The following STX6 variants were observed in gnomAD, a reference collection of about 807,000 sequenced individuals.
STX6 encodes the protein syntaxin-6.
A neutral mutation model predicts 38.0 loss-of-function variants in STX6; 23 were observed. That is an observed-to-expected ratio of 0.60 (90% CI 0.43 to 0.86). STX6 has a LOEUF of 0.86. STX6 is among the 40% of genes least tolerant of loss of function. STX6 has a pLI of 0.00. For synonymous variants in STX6, 123 were observed against 107.5 expected (o/e 1.14, Z -0.89); for missense variants, 274 against 312.9 (o/e 0.88, Z 0.94).
At chr1:181,001,012 A>T (rs1241661054) in intron 3 of STX6, among the ~76,000 whole-genome samples, 1 of 152,194 alleles carries the variant, frequency 6.6e-6, no homozygotes, top group Non-Finnish European at 1.5e-5. Flanking sequence ...TCCAATCCAA[A>T]CACTCACTGT....
At position 180,975,424 on chromosome 1, in the gene STX6, A is replaced by C. The variant is rs886480249; in HGVS notation, c.*1146T>G. On this transcript the variant is annotated 3_prime_UTR_variant, in exon 8 of 8. Transcript: ENST00000258301. ...ACTCAATTAAAGCATCTATCATTTAAATTTGGATTGGCTCAGTTATTTGAC... is the reference window on the plus strand; with the variant it reads ...ACTCAATTAAAGCATCTATCATTTACATTTGGATTGGCTCAGTTATTTGAC... 6.6e-6 allele frequency: 1 copy of C among 152,608 alleles called. No individual in the cohort carries two copies. Among genetic ancestry groups the C allele is most frequent in the Non-Finnish European group, 1.5e-5 (1 of 68,030 alleles). The allele number at this position is 152,608 out of a possible 1,614,324, so 9.5% of individuals were successfully genotyped here. A position where few individuals can be genotyped will look rare whatever the true frequency, so the allele number is the denominator to read the frequency against.
Position 180,997,908 on chromosome 1 carries a change from T to C in STX6, c.301-4483A>G, listed in dbSNP as rs143485530. Among the ~76,000 whole-genome samples the C allele has an allele frequency of 8.4e-4, 128 of 152,286 alleles. 1 individual carries two copies. Among genetic ancestry groups the C allele is most frequent in the Admixed American group, 1.2e-3 (18 of 15,304 alleles). On this transcript the variant is annotated intron_variant, in intron 3 of 7. Coordinates refer to ENST00000258301, the MANE Select transcript of STX6 (RefSeq NM_005819.6). ...CACTAATTATTTCTAGGGAGTGAAATTGGAGAACGAAGAGGCATTTTCTCT... is the reference window on the plus strand; with the variant it reads ...CACTAATTATTTCTAGGGAGTGAAACTGGAGAACGAAGAGGCATTTTCTCT...
Position 180,973,314 on chromosome 1 carries a change from T to C in STX6, c.*3256A>G, listed in dbSNP as rs1655170706. On this transcript the variant is annotated 3_prime_UTR_variant, in exon 8 of 8. Transcript: ENST00000258301. ...ATCATTCAATTTTTTGATCTTCAAA[T>C]GTTATGAATTCTCCAAAAAGGTAAC... The C allele has an allele frequency of 6.6e-6, 1 of 152,510 alleles. No homozygotes were observed. Among genetic ancestry groups the C allele is most frequent in the South Asian group, 2.1e-4 (1 of 4,838 alleles). 9.4% of individuals were successfully genotyped at this position (152,510 alleles called of 1,614,324 possible). A position where few individuals can be genotyped will look rare whatever the true frequency, so the allele number is the denominator to read the frequency against.
At chr1:180,991,126 A>G (rs931189101) in intron 4 of STX6, among the ~76,000 whole-genome samples, 3 of 152,198 alleles carry the variant, frequency 2.0e-5, no homozygotes, top group African/African-American at 7.2e-5. Context: ...CAACAGCCCC[A>G]TGACCTTCCT....
At chr1:181,006,756 G>C (rs75974678) in intron 1 of STX6, among the ~76,000 whole-genome samples, 1 of 151,894 alleles carries the variant, frequency 6.6e-6, no homozygotes, top group African/African-American at 2.4e-5. Context: ...AAAAGAAAGC[G>C]CTAACAAAAA....
intron 7 of STX6, among the ~76,000 whole-genome samples, chr1:180,977,745 T>G (rs920385146): frequency 6.6e-6 from 1 of 152,238 alleles, no homozygotes; most frequent in African/African-American, 2.4e-5. Context: ...CACACTATAG[T>G]TATTGAGAAT....
chr1:180,979,418 A>C (rs1167832261), intron 7 of STX6, among the ~76,000 whole-genome samples: 3 of 152,262 alleles, frequency 2.0e-5, no homozygotes, highest in Non-Finnish European at 4.4e-5. Context: ...TCTTTCACAA[A>C]GGAGCAAGTG....
chr1:181,004,106 CAAT>C (rs1656159077), intron 2 of STX6, among the ~76,000 whole-genome samples: 1 of 152,162 alleles, frequency 6.6e-6, no homozygotes, highest in African/African-American at 2.4e-5. Context: ...TGTATAATCC[CAAT>C]AATCCTATGA....
At chr1:181,004,702 T>C (rs1656176853) in intron 2 of STX6, among the ~76,000 whole-genome samples, 1 of 152,210 alleles carries the variant, frequency 6.6e-6, no homozygotes, top group Non-Finnish European at 1.5e-5. Flanking sequence ...CTAAGGAAAC[T>C]GTTTCCCGGA....
Position 180,984,756 on chromosome 1 carries a change from G to C in STX6, c.612C>G (p.Phe204Leu). The part of the protein sequence containing the change: ...LEEQAVMLED[F>L]SHELESTQSR... ...ACTGAGTGCTCTCCAATTCGTGAGAGAAATCTTCCAACATACTAGAGAGAA... is the reference window on the plus strand; with the variant it reads ...ACTGAGTGCTCTCCAATTCGTGAGACAAATCTTCCAACATACTAGAGAGAA... Residue 204 changes from phenylalanine to leucine, a missense_variant, in exon 7 of 8, where the codon TTC (phenylalanine) becomes TTG (leucine). Physicochemically the swap from Phe to Leu is conservative, Grantham distance 22 (BLOSUM62 0). Coordinates refer to ENST00000258301, the MANE Select transcript of STX6 (RefSeq NM_005819.6). The C allele has an allele frequency of 6.3e-7, 1 of 1,577,822 alleles. No homozygotes were observed. Among genetic ancestry groups the C allele is most frequent in the Non-Finnish European group, 8.7e-7 (1 of 1,147,148 alleles).
rs755518918 is a variant in STX6, at chr1:181,022,665, C to T, written c.9G>A (p.Met3Ile). MS[M>I]EDPFFVVKGE... Reference sequence around the variant, plus strand: ...CTTTCACCACAAAGAAGGGGTCCTCCATGGACATGGCGTCCCGGCCCCGGC... The same window carrying T: ...CTTTCACCACAAAGAAGGGGTCCTCTATGGACATGGCGTCCCGGCCCCGGC... Residue 3 changes from methionine to isoleucine, a missense_variant, in exon 1 of 8, where the codon ATG becomes ATA. Coordinates refer to ENST00000258301, the MANE Select transcript of STX6 (RefSeq NM_005819.6). 1 of 1,610,082 alleles carries T rather than the reference C, an allele frequency of 6.2e-7. No individual in the cohort carries two copies. The highest frequency in any genetic ancestry group is 8.5e-7 in the Non-Finnish European group (1 of 1,178,464).
Position 180,976,636 on chromosome 1 carries a change from T to C in STX6, c.702A>G (p.Gln234=), listed in dbSNP as rs746309226. ...CAAAGAGGATGGCTATGGCACACCATTGGCGCCGATCTGGAAGGCAGGACA... is the reference window on the plus strand; with the variant it reads ...CAAAGAGGATGGCTATGGCACACCACTGGCGCCGATCTGGAAGGCAGGACA... ...KVSHMTSDRR[Q]WCAIAILFAV... is the part of the protein sequence containing the mutation. The change falls in exon 8 of 8, where the codon CAA becomes CAG. Residue 234 remains glutamine (Q), a synonymous_variant. Coordinates refer to ENST00000258301, the MANE Select transcript of STX6 (RefSeq NM_005819.6). 1.5e-5 allele frequency: 24 copies of C among 1,613,354 alleles called. No homozygotes were observed. Among genetic ancestry groups the C allele is most frequent in the African/African-American group, 2.7e-5 (2 of 74,874 alleles).
chr1:180,984,090 A>AAAAC (rs1655498651), intron 7 of STX6, among the ~76,000 whole-genome samples: 2 of 139,954 alleles, frequency 1.4e-5, no homozygotes, highest in African/African-American at 2.8e-5. Flanking sequence ...AAAAAAAAAA[A>AAAAC]CACAACGAAA....
At chr1:180,998,052 A>G (rs943558936) in intron 3 of STX6, among the ~76,000 whole-genome samples, 9 of 152,250 alleles carry the variant, frequency 5.9e-5, no homozygotes, top group Non-Finnish European at 2.9e-5. Context: ...ATGTAAAAAT[A>G]CAACTGCCCT....
chr1:181,012,321 G>A (rs756265159), intron 1 of STX6, among the ~76,000 whole-genome samples: 7 of 152,104 alleles, frequency 4.6e-5, no homozygotes, highest in Non-Finnish European at 1.0e-4. Context: ...CAAATCTTGC[G>A]CTATCCGTCA....
intron 1 of STX6, among the ~76,000 whole-genome samples, chr1:181,021,216 T>C (rs1208984837): frequency 1.3e-5 from 2 of 152,162 alleles, no homozygotes; most frequent in African/African-American, 4.8e-5. Flanking sequence ...CCGCCAGAGA[T>C]AACCTTTGCC....
At chr1:180,993,549 T>C in intron 3 of STX6, 124 bp from the exon 4 acceptor site, 2 of 514,836 alleles carry the variant, frequency 3.9e-6, no homozygotes, top group Non-Finnish European at 6.8e-6. Flanking sequence ...CCGCATTTCT[T>C]GGCTTTATTT....
chr1:180,976,395 T>A lies in STX6; in HGVS notation c.*175A>T. ...ATCTATTTCCTCTTCCCACTGGCCC[T>A]TCCAGCGCTGGGATGGAGGAGCCAT... is the stretch of plus-strand genomic sequence containing the variant. On this transcript the variant is annotated 3_prime_UTR_variant, in exon 8 of 8. Coordinates refer to ENST00000258301, the MANE Select transcript of STX6 (RefSeq NM_005819.6). The A allele has an allele frequency of 1.6e-6, 1 of 625,294 alleles. No homozygotes were observed. The highest frequency in any genetic ancestry group is 1.8e-5 in the South Asian group (1 of 55,952). The allele number at this position is 625,294 out of a possible 1,614,324, so 38.7% of individuals were successfully genotyped here.
At position 180,974,774 on chromosome 1, in the gene STX6, T is replaced by C. The variant is rs548103933; in HGVS notation, c.*1796A>G. On this transcript the variant is annotated 3_prime_UTR_variant, in exon 8 of 8. Transcript: ENST00000258301. ...TAAATAACCTAGTACTCTAAACATC[T>C]GAAGCCCTTTGTAATACTCACTGTT... 1.3e-5 allele frequency: 2 copies of C among 152,756 alleles called. No individual in the cohort carries two copies. The highest frequency in any genetic ancestry group is 3.9e-4 in the East Asian group (2 of 5,194). The allele number at this position is 152,756 out of a possible 1,614,324, so 9.5% of individuals were successfully genotyped here.
Sources: gnomAD v4.1 joint callset for allele counts (sites outside exome capture counted in the v4.1 genomes callset) on GRCh38, gnomAD v4.1.1 for gene constraint, MANE v1.5 for transcripts, NCBI Gene and HGNC (gene_info 2026-07-23, HGNC 2026-07-21) for gene names.